The following ADH4 variants were observed in gnomAD, a reference collection of about 807,000 sequenced individuals.
The protein encoded by ADH4 is alcohol dehydrogenase 4 (class II), pi polypeptide, also known as all-trans-retinol dehydrogenase [NAD(+)] ADH4.
ADH4 carries 31 observed loss-of-function variants against 35.2 expected under a neutral mutation model. That is an observed-to-expected ratio of 0.88 (90% CI 0.66 to 1.19). ADH4 has a LOEUF of 1.19. ADH4 is among the 50% of genes most tolerant of loss of function. The pLI is 0.00. For missense variants in ADH4, 476 were observed against 458.3 expected, an observed-to-expected ratio of 1.04 and a Z score of -0.35; for synonymous variants, 171 against 160.2, an observed-to-expected ratio of 1.07 and a Z score of -0.51.
rs188571216 is a variant in ADH4 at position 99,134,266 on chromosome 4, T to C, written c.582+2200A>G. Among the ~76,000 whole-genome samples, 18 of 152,256 alleles carry C rather than the reference T, an allele frequency of 1.2e-4. No homozygotes were observed. The East Asian group carries it at 3.5e-3, about 29-fold the overall frequency. On this transcript the variant is annotated intron_variant, in intron 5 of 8. Transcript: ENST00000265512. Reference sequence around the variant, plus strand: ...CTCTGGTGACTATAATTAATAATAATGTATTGTATATCTGAAAATTGCTAA... The same window carrying C: ...CTCTGGTGACTATAATTAATAATAACGTATTGTATATCTGAAAATTGCTAA...
At chr4:99,127,704 C>G (rs1477444506) in intron 6 of ADH4, among the ~76,000 whole-genome samples, 1 of 151,868 alleles carries the variant, frequency 6.6e-6, no homozygotes, top group Non-Finnish European at 1.5e-5. Context: ...TTGTGCCTGC[C>G]TGTAGTCCCA....
At chr4:99,135,446 G>T (rs1729407425) in intron 5 of ADH4, among the ~76,000 whole-genome samples, 1 of 152,004 alleles carries the variant, frequency 6.6e-6, no homozygotes, top group Non-Finnish European at 1.5e-5. Flanking sequence ...AAAAAAATTT[G>T]GGGTGAAAAC....
intron 6 of ADH4, among the ~76,000 whole-genome samples, chr4:99,130,625 C>T (rs1309825699): frequency 1.3e-5 from 2 of 152,108 alleles, no homozygotes; most frequent in Non-Finnish European, 2.9e-5. Context: ...TTGAAAATGA[C>T]TTTCATGGTA....
chr4:99,139,612 G>A (rs1166532836), intron 3 of ADH4, among the ~76,000 whole-genome samples: 1 of 152,066 alleles, frequency 6.6e-6, no homozygotes, highest in Non-Finnish European at 1.5e-5. Flanking sequence ...CAATTTAATA[G>A]TGACTTCTGT....
rs1321755324 is a variant in ADH4 at position 99,144,147 on chromosome 4, A to T, written c.18+58T>A. 6 of 1,596,892 alleles carry T rather than the reference A, an allele frequency of 3.8e-6. No homozygotes were observed. The Admixed American group carries it at 1.0e-4, about 27-fold the overall frequency. Reference sequence around the variant, plus strand: ...TTCCTGAAGGAAGCTCCTTTTAGCCAAACATACAAGGACACAGAAAAGCAC... The same window carrying T: ...TTCCTGAAGGAAGCTCCTTTTAGCCTAACATACAAGGACACAGAAAAGCAC... On this transcript the variant is annotated intron_variant, in intron 1 of 8. Coordinates refer to ENST00000265512, the MANE Select transcript of ADH4 (RefSeq NM_000670.5).
At chr4:99,137,576 C>T (rs13133647) in intron 4 of ADH4, among the ~76,000 whole-genome samples, 32,033 of 152,112 alleles carry the variant, frequency 0.21, 4,053 homozygotes, top group Non-Finnish European at 0.29. Context: ...AACAAACTTT[C>T]ATTGAATGCT....
At chr4:99,133,676 C>T (rs6532798) in intron 5 of ADH4, 113,823 of 152,094 alleles carry the variant, frequency 0.75, 43,151 homozygotes, top group East Asian at 1. Flanking sequence ...GAAAGCTGTA[C>T]AATTCCACTT....
intron 5 of ADH4, 31 bp downstream of exon 5, chr4:99,136,435 G>A (rs758556461): frequency 1.9e-6 from 3 of 1,583,614 alleles, no homozygotes; most frequent in East Asian, 4.5e-5. Flanking sequence ...AGTAACTTCT[G>A]TTTTACACAA....
Position 99,139,122 on chromosome 4 carries a change from G to T in ADH4, c.289C>A (p.Pro97Thr), listed in dbSNP as rs146533284. The T allele has an allele frequency of 1.2e-6, 2 of 1,613,064 alleles. No individual in the cohort carries two copies. The highest frequency in any genetic ancestry group is 2.2e-5 in the East Asian group (1 of 44,822). Residue 97 changes from proline (P) to threonine (T), a missense_variant, in exon 4 of 9, where the codon CCT becomes ACT. Physicochemically the swap from Pro to Thr is conservative, Grantham distance 38. Coordinates refer to ENST00000265512, the MANE Select transcript of ADH4 (RefSeq NM_000670.5). Reference protein sequence around the residue: ...PGDKVIPLYAPLCRKCKFCLS... With the variant: ...PGDKVIPLYATLCRKCKFCLS... ...CAAAACTTGCATTTTCTACATAGAG[G>T]TGCATAAAGTGGAATTACTTTGTCA...
chr4:99,128,734 T>A (rs753254165), intron 6 of ADH4, among the ~76,000 whole-genome samples: 18 of 152,216 alleles, frequency 1.2e-4, no homozygotes, highest in Non-Finnish European at 2.1e-4. Context: ...GATTTCTTGC[T>A]TTCTAAGTTT....
chr4:99,139,140 C>T lies in ADH4; in HGVS notation c.271G>A (p.Val91Ile), dbSNP rs1406182487. The T allele has an allele frequency of 6.2e-7, 1 of 1,612,278 alleles. No homozygotes were observed. Among genetic ancestry groups the T allele is most frequent in the South Asian group, 1.1e-5 (1 of 90,866 alleles). Residue 91 changes from valine to isoleucine, a missense_variant, in exon 4 of 9, where the codon GTA (valine) becomes ATA (isoleucine). Coordinates refer to ENST00000265512, the MANE Select transcript of ADH4 (RefSeq NM_000670.5). ...CATAGAGGTGCATAAAGTGGAATTA[C>T]TTTGTCACCTAGAAAGAAAGGCCAT... ...GVTNVKPGDK[V>I]IPLYAPLCRK...
chr4:99,142,884 A>G lies in ADH4; in HGVS notation c.19-104T>C, dbSNP rs1005483942. ...TGAGAAAAAATTAGAATATATTGATACTGTAATTTCATGACAAAGAGTTAA... is the reference window on the plus strand; with the variant it reads ...TGAGAAAAAATTAGAATATATTGATGCTGTAATTTCATGACAAAGAGTTAA... On this transcript the variant is annotated intron_variant, in intron 1 of 8. Transcript: ENST00000265512. 4 of 688,978 alleles carry G rather than the reference A, an allele frequency of 5.8e-6. No homozygotes were observed. The African/African-American group carries it at 7.2e-5, about 12-fold the overall frequency. 42.7% of individuals were successfully genotyped at this position (688,978 alleles called of 1,614,324 possible).
intron 5 of ADH4, chr4:99,133,486 T>C (rs1729348260): frequency 6.6e-6 from 1 of 152,218 alleles, no homozygotes; most frequent in African/African-American, 2.4e-5. Context: ...GTAAGTTAAA[T>C]TTTACTAAAG....
At position 99,143,500 on chromosome 4, in the gene ADH4, T is replaced by C. The variant is rs1296771222; in HGVS notation, c.18+705A>G. 4 of 282,178 alleles carry C rather than the reference T, an allele frequency of 1.4e-5. No homozygotes were observed. The Admixed American group carries it at 1.9e-4, about 13-fold the overall frequency. 17.5% of individuals were successfully genotyped at this position (282,178 alleles called of 1,614,324 possible). On this transcript the variant is annotated intron_variant, in intron 1 of 8. Transcript: ENST00000265512. ...CAATTTTTTCTAGCCTCAAATTATA[T>C]TTTTAATTTCAAATATAAGCAACAT...
chr4:99,139,032 T>C, intron 4 of ADH4, 29 bp downstream of exon 4: 1 of 1,526,630 alleles, frequency 6.6e-7, no homozygotes, highest in Non-Finnish European at 9.0e-7. Context: ...TTCAAATTTA[T>C]ACTAATACTA....
At chr4:99,138,220 A>G (rs980278201) in intron 4 of ADH4, among the ~76,000 whole-genome samples, 1 of 152,178 alleles carries the variant, frequency 6.6e-6, no homozygotes, top group African/African-American at 2.4e-5. Context: ...TAAATCCATT[A>G]TTTCATTAAA....
intron 6 of ADH4, 114 bp downstream of exon 6, chr4:99,131,390 C>G (rs923940021): frequency 2.5e-6 from 3 of 1,182,620 alleles, no homozygotes; most frequent in East Asian, 2.5e-5. Flanking sequence ...GTTCTACCAC[C>G]CTGTCATCCA....
In ADH4 at chr4:99,136,649, G is replaced by T. The variant is rs1374335158; in HGVS notation, c.399C>A (p.Thr133=). 1 of 1,613,840 alleles carries T rather than the reference G, an allele frequency of 6.2e-7. No individual in the cohort carries two copies. The highest frequency in any genetic ancestry group is 1.3e-5 in the African/African-American group (1 of 74,886). ...GTTTTCCTTTGCAGGTAAACCTGCT[G>T]GTTTTGTCTTCCATTAGTTGTTGAT... ...ASDQQLMEDK[T]SRFTCKGKPV... The change falls in exon 5 of 9, where the codon ACC becomes ACA. Residue 133 remains threonine, a synonymous_variant. Transcript: ENST00000265512.
chr4:99,142,055 G>A (rs910915765), intron 2 of ADH4, among the ~76,000 whole-genome samples: 1 of 152,200 alleles, frequency 6.6e-6, no homozygotes, highest in Non-Finnish European at 1.5e-5. Context: ...AATTACCAAT[G>A]TATACCTATA....
Sources: gnomAD v4.1 joint callset for allele counts (sites outside exome capture counted in the v4.1 genomes callset) on GRCh38, gnomAD v4.1.1 for gene constraint, MANE v1.5 for transcripts, NCBI Gene and HGNC (gene_info 2026-07-23, HGNC 2026-07-21) for gene names.